Variants in TRERF1 observed in about 807,000 individuals in gnomAD.
The protein encoded by TRERF1 is transcriptional-regulating factor 1.
Under a neutral mutation model 122.9 loss-of-function variants are expected in TRERF1, and 27 were observed. The observed-to-expected ratio is 0.22, with a 90% CI of 0.16 to 0.30. The LOEUF is 0.30. TRERF1 is among the 10% of genes least tolerant of loss of function. The pLI, the probability that TRERF1 is intolerant of heterozygous loss-of-function variation, is 1.00. For missense variants in TRERF1, 1,248 were observed against 1,560.3 expected, an observed-to-expected ratio of 0.80 and a Z score of 3.37; for synonymous variants, 636 against 641.7, an observed-to-expected ratio of 0.99 and a Z score of 0.13.
chr6:42,281,930 A>G (rs998732456), intron 4 of TRERF1, among the ~76,000 whole-genome samples: 1 of 152,112 alleles, frequency 6.6e-6, no homozygotes, highest in Admixed American at 6.5e-5. Flanking sequence ...CAACCTCCCA[A>G]TGACACCTTG....
chr6:42,289,915 A>C (rs11968702), intron 4 of TRERF1, among the ~76,000 whole-genome samples: 3,003 of 152,230 alleles, frequency 0.02, 114 homozygotes, highest in African/African-American at 0.067. Context: ...GAAGGGACTT[A>C]TGGGGGTACA....
In TRERF1 at chr6:42,416,287, G is replaced by A. The variant is rs115193442; in HGVS notation, c.-454+34890C>T. Among the ~76,000 whole-genome samples the A allele has an allele frequency of 9.8e-3, 1,485 of 152,094 alleles. 17 individuals carry two copies. Among genetic ancestry groups the A allele is most frequent in the Non-Finnish European group, 0.015 (1,031 of 67,972 alleles). Reference sequence around the variant, plus strand: ...GGTTATATAATTATGGTGTTTAATCGGGATTTTAATGGGAATGCATCTAGC... The same window carrying A: ...GGTTATATAATTATGGTGTTTAATCAGGATTTTAATGGGAATGCATCTAGC... On this transcript the variant is annotated intron_variant, in intron 2 of 17. Coordinates refer to ENST00000372922, the Ensembl canonical transcript of TRERF1.
chr6:42,285,701 G>A (rs1324649901), intron 4 of TRERF1, among the ~76,000 whole-genome samples: 2 of 151,904 alleles, frequency 1.3e-5, no homozygotes, highest in African/African-American at 2.4e-5. Flanking sequence ...AAGGGTTGTT[G>A]AATTTTGTCA....
At chr6:42,381,723 G>A (rs1489203436) in intron 2 of TRERF1, among the ~76,000 whole-genome samples, 1 of 151,620 alleles carries the variant, frequency 6.6e-6, no homozygotes, top group Non-Finnish European at 1.5e-5. Context: ...AAGGGTGGAT[G>A]AGAAGGCAGG....
intron 3 of TRERF1, among the ~76,000 whole-genome samples, chr6:42,346,208 GCACCTGT>G (rs1768246414): frequency 6.6e-6 from 1 of 152,202 alleles, no homozygotes; most frequent in African/African-American, 2.4e-5. Context: ...GTGGACCTCA[GCACCTGT>G]CACCTCAGGA....
chr6:42,343,233 A>T (rs1026923361), intron 3 of TRERF1, among the ~76,000 whole-genome samples: 11 of 152,224 alleles, frequency 7.2e-5, no homozygotes, highest in African/African-American at 2.7e-4. Flanking sequence ...CCAATTTCCC[A>T]GTTACAAACA....
chr6:42,390,718 G>A (rs991968040), intron 2 of TRERF1, among the ~76,000 whole-genome samples: 5 of 152,180 alleles, frequency 3.3e-5, no homozygotes, highest in Admixed American at 6.5e-5. Flanking sequence ...CACCGCTCCC[G>A]TCAACAGTGG....
chr6:42,367,090 C>T (rs1443347042), intron 2 of TRERF1, among the ~76,000 whole-genome samples: 4 of 152,188 alleles, frequency 2.6e-5, no homozygotes, highest in Admixed American at 6.5e-5. Flanking sequence ...TCAGCCTTCA[C>T]CTCTTGGAGG....
intron 2 of TRERF1, among the ~76,000 whole-genome samples, chr6:42,425,777 T>G (rs2151608659): frequency 6.7e-6 from 1 of 149,482 alleles, no homozygotes; most frequent in African/African-American, 2.5e-5. Context: ...ACTCCTGACC[T>G]CGTGATCCGC....
chr6:42,402,875 G>A (rs888458435), intron 2 of TRERF1, among the ~76,000 whole-genome samples: 12 of 152,112 alleles, frequency 7.9e-5, no homozygotes, highest in African/African-American at 2.4e-4. Flanking sequence ...CGCTAGGAGA[G>A]GTCAGGGAAG....
At chr6:42,388,925 G>T (rs188041879) in intron 2 of TRERF1, among the ~76,000 whole-genome samples, 1 of 152,314 alleles carries the variant, frequency 6.6e-6, no homozygotes, top group East Asian at 1.9e-4. Context: ...ATGGGCCCCA[G>T]TGTGGATCAG....
rs371958718 is a variant in TRERF1 at position 42,310,305 on chromosome 6, T to C, written c.-370-9556A>G. Among the ~76,000 whole-genome samples the C allele has an allele frequency of 3.3e-5, 5 of 152,288 alleles. No homozygotes were observed. The East Asian group carries it at 9.7e-4, about 29-fold the overall frequency. On this transcript the variant is annotated intron_variant, in intron 3 of 17. Coordinates refer to ENST00000372922, the Ensembl canonical transcript of TRERF1. ...AAGATGCTCAATAGCCACATGTGGC[T>C]AGTAGCTACCATATTAGACAGCACC... is the stretch of plus-strand genomic sequence containing the variant.
At chr6:42,421,127 G>A (rs1782700325) in intron 2 of TRERF1, among the ~76,000 whole-genome samples, 1 of 152,164 alleles carries the variant, frequency 6.6e-6, no homozygotes, top group Non-Finnish European at 1.5e-5. Context: ...TCTCTGTAAT[G>A]GTAACACTAA....
intron 2 of TRERF1, among the ~76,000 whole-genome samples, chr6:42,429,709 T>C (rs906275021): frequency 4.6e-5 from 7 of 152,158 alleles, no homozygotes; most frequent in Non-Finnish European, 1.0e-4. Flanking sequence ...TACTGTGTGC[T>C]GGGCACTCTT....
intron 3 of TRERF1, among the ~76,000 whole-genome samples, chr6:42,310,504 A>G (rs1447554391): frequency 6.6e-6 from 1 of 152,172 alleles, no homozygotes; most frequent in Non-Finnish European, 1.5e-5. Context: ...TCCTCGAGGG[A>G]TACTTGGCAA....
intron 3 of TRERF1, among the ~76,000 whole-genome samples, chr6:42,322,488 C>A (rs1763612919): frequency 6.6e-6 from 1 of 152,044 alleles, no homozygotes; most frequent in African/African-American, 2.4e-5. Context: ...AAGCAAAATG[C>A]CCTTTTCAAG....
intron 15 of TRERF1, among the ~76,000 whole-genome samples, chr6:42,241,412 T>C (rs911378439): frequency 7.2e-5 from 11 of 152,192 alleles, no homozygotes; most frequent in African/African-American, 2.7e-4. Context: ...GTATATTTCA[T>C]AGCTAGGATC....
intron 2 of TRERF1, among the ~76,000 whole-genome samples, chr6:42,365,874 C>T (rs1772625778): frequency 6.6e-6 from 1 of 152,234 alleles, no homozygotes; most frequent in Non-Finnish European, 1.5e-5. Context: ...ATTGCATTTA[C>T]TAATCCCGGC....
chr6:42,268,668 T>A lies in TRERF1; in HGVS notation c.923A>T (p.Gln308Leu). Reference sequence around the variant, plus strand: ...CTGCTGCAGCTGTAGCTGCTGCGGCTGCTGCTGCTGTGGCGGCGGCTGTGG... The same window carrying A: ...CTGCTGCAGCTGTAGCTGCTGCGGCAGCTGCTGCTGTGGCGGCGGCTGTGG... The change falls in exon 5 of 18, where the codon CAG becomes CTG. Residue 308 changes from glutamine (Q) to leucine (L), a missense_variant. By Grantham distance (113) the Gln-to-Leu change is moderately radical. Coordinates refer to ENST00000372922, the Ensembl canonical transcript of TRERF1. The surrounding 1 kb of genome is among the most constrained non-coding windows in gnomAD (Gnocchi z 4.4). The A allele has an allele frequency of 6.2e-7, 1 of 1,613,944 alleles. No homozygotes were observed. Among genetic ancestry groups the A allele is most frequent in the South Asian group, 1.1e-5 (1 of 91,078 alleles).
Sources: gnomAD v4.1 joint callset for allele counts (sites outside exome capture counted in the v4.1 genomes callset) on GRCh38, gnomAD v4.1.1 for gene constraint, Gnocchi (gnomAD v3.1) non-coding constraint, MANE v1.5 for transcripts, NCBI Gene and HGNC (gene_info 2026-07-23, HGNC 2026-07-21) for gene names.